Variants in SPAG9 observed in about 807,000 individuals in gnomAD.
SPAG9 encodes C-Jun-amino-terminal kinase-interacting protein 4.
In SPAG9, 35 loss-of-function variants were observed where a neutral mutation model predicts 166.5. The observed-to-expected ratio is 0.21, with a 90% confidence interval of 0.16 to 0.28. SPAG9 has a LOEUF of 0.28. Ranked by LOEUF, SPAG9 falls within the 10% of genes least tolerant of loss-of-function variation. SPAG9 has a pLI of 1.00. For missense variants in SPAG9, 1,235 were observed against 1,603.3 expected (o/e 0.77, Z 3.92); for synonymous variants, 534 against 565.5 (o/e 0.94, Z 0.79).
rs540328537 is a variant in SPAG9 at position 50,968,529 on chromosome 17, G to C, written c.3851-2142C>G. 3.9e-4 allele frequency among the ~76,000 whole-genome samples: 60 copies of C among 152,146 alleles called. 1 individual carries two copies. Among genetic ancestry groups the C allele is most frequent in the Admixed American group, 3.1e-3 (48 of 15,280 alleles). ...GTGGACTGTTTGAGGCCAGGAGTTC[G>C]AGACCAGCCTGGCCAACATGGTGAA... On this transcript the variant is annotated intron_variant, in intron 29 of 29. Transcript: ENST00000262013.
intron 21 of SPAG9, among the ~76,000 whole-genome samples, chr17:50,989,389 C>T (rs1157668308): frequency 1.3e-5 from 2 of 152,084 alleles, no homozygotes; most frequent in Non-Finnish European, 1.5e-5. Context: ...GATGAAATCA[C>T]CTAATGACAC....
At chr17:51,053,851 A>ATAT (rs2047257472) in intron 3 of SPAG9, among the ~76,000 whole-genome samples, 4 of 65,450 alleles carry the variant, frequency 6.1e-5, no homozygotes, top group African/African-American at 2.5e-4. Flanking sequence ...AAAAAAAAAA[A>ATAT]AAAGTATATA....
intron 19 of SPAG9, among the ~76,000 whole-genome samples, chr17:50,991,193 C>T (rs1028870658): frequency 1.3e-5 from 2 of 152,054 alleles, no homozygotes; most frequent in East Asian, 1.9e-4. Flanking sequence ...CGAGCCACCA[C>T]GCCTAGCCAG....
At chr17:50,989,606 T>G in intron 21 of SPAG9, 71 bp downstream of exon 21, 3 of 1,180,122 alleles carry the variant, frequency 2.5e-6, no homozygotes, top group Non-Finnish European at 3.7e-6. Flanking sequence ...TTTTGACTGT[T>G]TGAGATTATT....
chr17:51,036,526 T>G (rs1042202008), intron 5 of SPAG9, among the ~76,000 whole-genome samples: 8 of 152,104 alleles, frequency 5.3e-5, no homozygotes, highest in African/African-American at 7.2e-5. Context: ...ATGCATCTTC[T>G]TTCTTCTCCA....
At chr17:51,012,993 A>C (rs1214377305) in intron 9 of SPAG9, among the ~76,000 whole-genome samples, 1 of 152,078 alleles carries the variant, frequency 6.6e-6, no homozygotes, top group African/African-American at 2.4e-5. Context: ...GGCCTCCCAA[A>C]GTGTTGGGAT....
chr17:51,079,110 T>C (rs2048094068), intron 2 of SPAG9, among the ~76,000 whole-genome samples: 2 of 152,102 alleles, frequency 1.3e-5, no homozygotes, highest in Admixed American at 1.3e-4. Flanking sequence ...AAAATGTGAA[T>C]AAAAAAGAAC....
At chr17:51,020,044 T>G in intron 8 of SPAG9, 115 bp downstream of exon 8, 1 of 649,060 alleles carries the variant, frequency 1.5e-6, no homozygotes, top group Non-Finnish European at 2.8e-6. Context: ...AATATAATAC[T>G]AACATTTCTT....
In SPAG9 at chr17:51,024,185, G is replaced by A. The variant is rs60557429; in HGVS notation, c.784-2820C>T. On this transcript the variant is annotated intron_variant, in intron 6 of 29. Coordinates refer to ENST00000262013, the MANE Select transcript of SPAG9 (RefSeq NM_001130528.3). The stretch of plus-strand genomic sequence containing the variant: ...CAGGTGCCTGTAATTCCAGCTACCC[G>A]GGAGGCAGAGGTTGCAGTGAGCTGA... Among the ~76,000 whole-genome samples, 571 of 151,866 alleles carry A rather than the reference G, an allele frequency of 3.8e-3. 3 individuals carry two copies. The highest frequency in any genetic ancestry group is 0.013 in the African/African-American group (552 of 41,438).
intron 27 of SPAG9, 26 bp downstream of exon 27, chr17:50,977,082 T>C (rs1314139915): frequency 5.2e-6 from 7 of 1,346,552 alleles, no homozygotes; most frequent in African/African-American, 2.9e-5. Flanking sequence ...ATTTGTTCCA[T>C]GGCAGTTATC....
At chr17:50,974,585 C>T (rs1974083888) in intron 28 of SPAG9, among the ~76,000 whole-genome samples, 186 bp downstream of exon 28, 1 of 152,170 alleles carries the variant, frequency 6.6e-6, no homozygotes, top group Admixed American at 6.6e-5. Context: ...GAGAGATATT[C>T]CAAAGTAACT....
chr17:51,075,373 G>A (rs2047942122), intron 2 of SPAG9, among the ~76,000 whole-genome samples: 2 of 151,948 alleles, frequency 1.3e-5, no homozygotes, highest in Admixed American at 6.6e-5. Context: ...AAAAAAAGAA[G>A]CAGTATCTTC....
At chr17:51,056,068 C>A (rs1283806622) in intron 3 of SPAG9, among the ~76,000 whole-genome samples, 1 of 152,096 alleles carries the variant, frequency 6.6e-6, no homozygotes, top group African/African-American at 2.4e-5. Context: ...TTTCCAAACT[C>A]ATAAAAAAAC....
chr17:51,065,173 T>C (rs970629001), intron 2 of SPAG9, among the ~76,000 whole-genome samples: 4 of 152,198 alleles, frequency 2.6e-5, no homozygotes, highest in Non-Finnish European at 5.9e-5. Context: ...TTTTATGATA[T>C]GTGAATTAGA....
At chr17:51,118,726 T>C (rs1006861246) in intron 1 of SPAG9, among the ~76,000 whole-genome samples, 11 of 152,180 alleles carry the variant, frequency 7.2e-5, no homozygotes, top group African/African-American at 2.4e-4. Context: ...CTTCCCTATA[T>C]GAAAGGAAAA....
At chr17:51,054,819 T>C (rs1190087637) in intron 3 of SPAG9, among the ~76,000 whole-genome samples, 1 of 152,164 alleles carries the variant, frequency 6.6e-6, no homozygotes, top group East Asian at 1.9e-4. Context: ...AAGCCCTTCA[T>C]GGACCATCCT....
chr17:51,096,903 T>C (rs745478820), intron 1 of SPAG9, among the ~76,000 whole-genome samples: 18 of 152,240 alleles, frequency 1.2e-4, no homozygotes, highest in Non-Finnish European at 2.6e-4. Flanking sequence ...GAGATGTCTT[T>C]TTGTATGTTA....
intron 6 of SPAG9, among the ~76,000 whole-genome samples, chr17:51,024,451 C>A (rs1375960312): frequency 3.3e-5 from 5 of 151,912 alleles, no homozygotes; most frequent in African/African-American, 1.2e-4. Context: ...TTTGGCCAAG[C>A]GTGGTGGCTC....
chr17:51,044,634 A>G (rs575134622), intron 4 of SPAG9, among the ~76,000 whole-genome samples: 23 of 152,316 alleles, frequency 1.5e-4, no homozygotes, highest in African/African-American at 5.3e-4. Context: ...ACTGAGCTAG[A>G]TGACTTATTT....
Sources: gnomAD v4.1 joint callset for allele counts (sites outside exome capture counted in the v4.1 genomes callset) on GRCh38, gnomAD v4.1.1 for gene constraint, MANE v1.5 for transcripts, NCBI Gene and HGNC (gene_info 2026-07-23, HGNC 2026-07-21) for gene names.